The following TMEM131 variants were observed in gnomAD, a reference collection of about 807,000 sequenced individuals.
TMEM131 encodes transmembrane protein 131, also known as 2610524E03Rik.
TMEM131 carries 66 observed loss-of-function variants against 211.6 expected under a neutral mutation model. That is an observed-to-expected ratio of 0.31 (90% CI 0.26 to 0.38). The LOEUF (loss-of-function observed/expected upper bound fraction) is 0.38. TMEM131 is among the 10% of genes least tolerant of loss of function. The pLI is 1.00. For synonymous variants in TMEM131, 844 were observed against 841.3 expected, an observed-to-expected ratio of 1.00 and a Z score of -0.06; for missense variants, 2,036 against 2,299.3, an observed-to-expected ratio of 0.89 and a Z score of 2.34.
intron 4 of TMEM131, among the ~76,000 whole-genome samples, chr2:97,884,473 T>C (rs1444380863): frequency 6.6e-6 from 1 of 152,190 alleles, no homozygotes; most frequent in Non-Finnish European, 1.5e-5. Flanking sequence ...AATGCTTCTT[T>C]GTTGATTTTC....
At chr2:97,777,761 A>T (rs1435207462) in intron 31 of TMEM131, among the ~76,000 whole-genome samples, 2 of 152,148 alleles carry the variant, frequency 1.3e-5, no homozygotes, top group African/African-American at 4.8e-5. Context: ...AGTTTGTTTA[A>T]TTATAATCGT....
In TMEM131 at chr2:97,943,899, T is replaced by G. The variant is rs191614063; in HGVS notation, c.188-16412A>C. 2.9e-3 allele frequency among the ~76,000 whole-genome samples: 443 copies of G among 152,020 alleles called. 1 individual carries two copies. Among genetic ancestry groups the G allele is most frequent in the Middle Eastern group, 0.024 (7 of 294 alleles). On this transcript the variant is annotated intron_variant, in intron 1 of 40. Coordinates refer to ENST00000186436, the MANE Select transcript of TMEM131 (RefSeq NM_015348.2). ...GAGATCAAGACCATCCTGGCCAACA[T>G]GCTGAAACCCCATCTCTACTAAAAA... is the stretch of plus-strand genomic sequence containing the variant.
At chr2:97,924,755 T>C (rs1398296572) in intron 2 of TMEM131, among the ~76,000 whole-genome samples, 4 of 152,172 alleles carry the variant, frequency 2.6e-5, no homozygotes, top group Non-Finnish European at 4.4e-5. Flanking sequence ...GCCAAGGGCG[T>C]GAACCTCTTA....
At chr2:97,761,561 G>A (rs533722836) in intron 36 of TMEM131, 2 of 159,536 alleles carry the variant, frequency 1.3e-5, no homozygotes, top group Admixed American at 1.2e-4. Context: ...GTGGTCAGGA[G>A]GCTGCCCTCC....
chr2:97,953,751 C>A (rs922431378), intron 1 of TMEM131, among the ~76,000 whole-genome samples: 1 of 152,128 alleles, frequency 6.6e-6, no homozygotes, highest in Non-Finnish European at 1.5e-5. Flanking sequence ...CAGACCATAC[C>A]CTGGGTCATA....
intron 24 of TMEM131, 71 bp downstream of exon 24, chr2:97,802,357 G>A (rs1681073848): frequency 8.6e-7 from 1 of 1,159,604 alleles, no homozygotes; most frequent in Non-Finnish European, 1.2e-6. Context: ...TGCAAATAAG[G>A]CTTTTTAAGT....
intron 1 of TMEM131, among the ~76,000 whole-genome samples, chr2:97,970,896 A>G (rs1020233247): frequency 1.3e-5 from 2 of 152,166 alleles, no homozygotes; most frequent in Non-Finnish European, 2.9e-5. Flanking sequence ...AACTGGCTCT[A>G]CTGACCTACT....
Position 97,995,681 on chromosome 2 carries a change from G to T in TMEM131, c.-19C>A. On this transcript the variant is annotated 5_prime_UTR_variant, in exon 1 of 41. Coordinates refer to ENST00000186436, the MANE Select transcript of TMEM131 (RefSeq NM_015348.2). ...TCCCCATCCCTGCCGGCCGGGGGCC[G>T]CCGCGCTCGAGGTCCGGCGCGGCCC... 3.3e-6 allele frequency: 4 copies of T among 1,197,208 alleles called. No individual in the cohort carries two copies. Among genetic ancestry groups the T allele is most frequent in the Non-Finnish European group, 4.1e-6 (4 of 965,268 alleles). The allele number at this position is 1,197,208 out of a possible 1,614,324, so 74.2% of individuals were successfully genotyped here.
chr2:97,962,034 T>C (rs955586301), intron 1 of TMEM131, among the ~76,000 whole-genome samples: 1 of 152,130 alleles, frequency 6.6e-6, no homozygotes, highest in African/African-American at 2.4e-5. Flanking sequence ...CAGACCTAAA[T>C]AAACAGCTAA....
At chr2:97,941,083 G>C (rs1198782857) in intron 1 of TMEM131, among the ~76,000 whole-genome samples, 4 of 152,078 alleles carry the variant, frequency 2.6e-5, no homozygotes, top group African/African-American at 9.7e-5. Context: ...ATACTACAAG[G>C]CTACAGTAAC....
At chr2:97,796,794 T>G (rs747074941) in intron 27 of TMEM131, 50 bp downstream of exon 27, 1 of 1,580,646 alleles carries the variant, frequency 6.3e-7, no homozygotes, top group East Asian at 2.2e-5. Flanking sequence ...TATTTACTGT[T>G]GAAAGCAAAT....
intron 29 of TMEM131, among the ~76,000 whole-genome samples, chr2:97,794,007 AAAAAAAAAC>A (rs1680636324): frequency 6.7e-6 from 1 of 149,648 alleles, no homozygotes; most frequent in Non-Finnish European, 1.5e-5. Context: ...AAAAAAAAAA[AAAAAAAAAC>A]AAAAAACCCA....
chr2:97,823,797 G>A (rs754907980), intron 11 of TMEM131, among the ~76,000 whole-genome samples: 6 of 152,162 alleles, frequency 3.9e-5, no homozygotes, highest in Non-Finnish European at 7.3e-5. Context: ...GAGGTCTTAA[G>A]GAAATATACT....
At chr2:97,879,960 A>C (rs1288711625) in intron 4 of TMEM131, among the ~76,000 whole-genome samples, 5 of 152,178 alleles carry the variant, frequency 3.3e-5, no homozygotes, top group Non-Finnish European at 5.9e-5. Context: ...TTAAAGGATC[A>C]ACTGTATGGC....
chr2:97,815,804 C>T (rs892169384), intron 12 of TMEM131, among the ~76,000 whole-genome samples: 1 of 152,158 alleles, frequency 6.6e-6, no homozygotes, highest in African/African-American at 2.4e-5. Flanking sequence ...CAAAATTACC[C>T]CCCACTTAGC....
chr2:97,947,023 T>C (rs1483358709), intron 1 of TMEM131, among the ~76,000 whole-genome samples: 1 of 151,902 alleles, frequency 6.6e-6, no homozygotes, highest in Non-Finnish European at 1.5e-5. Context: ...CCATTCATGG[T>C]AAAAGATCTT....
chr2:97,931,442 A>T (rs1037376392), intron 1 of TMEM131, among the ~76,000 whole-genome samples: 2 of 152,264 alleles, frequency 1.3e-5, no homozygotes, highest in Non-Finnish European at 2.9e-5. Flanking sequence ...TTCACTTTAA[A>T]GACAAATCTT....
intron 33 of TMEM131, among the ~76,000 whole-genome samples, chr2:97,770,897 A>G (rs1457676097): frequency 1.3e-5 from 2 of 152,176 alleles, no homozygotes; most frequent in African/African-American, 4.8e-5. Flanking sequence ...ATTTGGACTT[A>G]TTAGCCTCAT....
At chr2:97,818,481 G>GGGGAAA (rs796772650) in intron 12 of TMEM131, 132 bp downstream of exon 12, 18 of 293,252 alleles carry the variant, frequency 6.1e-5, no homozygotes, top group Admixed American at 1.1e-4. Context: ...GGCGGGGGGG[G>GGGGAAA]ATCAACCTAA....
Sources: allele counts gnomAD v4.1 joint callset (sites outside exome capture counted in the v4.1 genomes callset), GRCh38; gene constraint gnomAD v4.1.1; transcripts MANE v1.5; gene names NCBI Gene and HGNC (gene_info 2026-07-23, HGNC 2026-07-21).